Variants in PKHD1 observed in about 807,000 individuals in gnomAD.
PKHD1 encodes the protein fibrocystin.
In PKHD1, 291 loss-of-function variants were observed where a neutral mutation model predicts 412.0. The ratio of observed to expected loss-of-function variants is 0.71; its 90% CI spans 0.64 to 0.78. PKHD1 has a LOEUF of 0.78. Ranked by LOEUF, PKHD1 falls within the 30% of genes least tolerant of loss-of-function variation. The probability of loss-of-function intolerance (pLI) is 0.00; values close to 1 mark genes in which losing one functional copy is unlikely to be tolerated. For synonymous variants in PKHD1, 1,777 were observed against 1,821.5 expected (o/e 0.98, Z 0.62); for missense variants, 4,825 against 4,950.7 (o/e 0.97, Z 0.76).
chr6:51,737,714 TTGTGTGTGTGTGAGTG>T (rs1784028551), intron 60 of PKHD1, among the ~76,000 whole-genome samples: 1 of 139,390 alleles, frequency 7.2e-6, no homozygotes, highest in African/African-American at 3.0e-5. Context: ...CACTTATTGT[TTGTGTGTGTGTGAGTG>T]TGTGTGTGTG....
At chr6:51,658,865 G>A in intron 61 of PKHD1, 87 bp downstream of exon 61, 1 of 851,598 alleles carries the variant, frequency 1.2e-6, no homozygotes, top group Non-Finnish European at 2.0e-6. Context: ...ATATGATTCA[G>A]TGTAAGTAGA....
chr6:52,027,508 G>A (rs1387638757), intron 31 of PKHD1, among the ~76,000 whole-genome samples: 2 of 138,016 alleles, frequency 1.4e-5, no homozygotes, highest in Non-Finnish European at 3.1e-5. Flanking sequence ...CTCCAGACTG[G>A]GCAACAAGAG....
chr6:51,698,911 T>C (rs1208882009), intron 60 of PKHD1, among the ~76,000 whole-genome samples: 1 of 152,188 alleles, frequency 6.6e-6, no homozygotes, highest in Non-Finnish European at 1.5e-5. Flanking sequence ...CTTCATTTCT[T>C]TTTAAAAAAT....
chr6:51,760,437 T>G (rs1787806229), intron 55 of PKHD1, among the ~76,000 whole-genome samples: 1 of 152,034 alleles, frequency 6.6e-6, no homozygotes, highest in Admixed American at 6.6e-5. Flanking sequence ...AAATTACAAA[T>G]CATAAAATCA....
intron 60 of PKHD1, among the ~76,000 whole-genome samples, chr6:51,697,225 T>C (rs945026805): frequency 6.6e-6 from 1 of 152,026 alleles, no homozygotes; most frequent in Non-Finnish European, 1.5e-5. Context: ...ATACTAGTAA[T>C]TGTCCTCTTA....
At chr6:51,776,040 G>T in intron 53 of PKHD1, 119 bp from the exon 54 acceptor site, 1 of 634,826 alleles carries the variant, frequency 1.6e-6, no homozygotes, top group Non-Finnish European at 2.8e-6. Context: ...CTATATGGAG[G>T]AGTCAATGGT....
chr6:51,739,556 T>C (rs550983506), intron 60 of PKHD1, among the ~76,000 whole-genome samples: 35 of 152,338 alleles, frequency 2.3e-4, no homozygotes, highest in Non-Finnish European at 4.6e-4. Flanking sequence ...ATTTTGTTTA[T>C]GTACCTCTGG....
chr6:51,986,733 T>C (rs1796264326), intron 35 of PKHD1, among the ~76,000 whole-genome samples: 1 of 152,212 alleles, frequency 6.6e-6, no homozygotes, highest in African/African-American at 2.4e-5. Flanking sequence ...GCCTAGCAAA[T>C]TAACTCCTGT....
rs1456985726 is a variant in PKHD1, at chr6:52,060,062, G to T, written c.1119-20C>A. ...CGTGCTCTGTAAAGTAGAACATAGA[G>T]TCAAGCAAGAGTAACCAAGGCCTGA... On this transcript the variant is annotated intron_variant, in intron 14 of 66. Transcript: ENST00000371117. 1 of 1,412,706 alleles carries T rather than the reference G, an allele frequency of 7.1e-7. No individual in the cohort carries two copies. The highest frequency in any genetic ancestry group is 1.8e-4 in the Middle Eastern group (1 of 5,700). 87.5% of individuals were successfully genotyped at this position (1,412,706 alleles called of 1,614,324 possible).
At chr6:51,883,659 GTT>G (rs2127543311) in intron 45 of PKHD1, among the ~76,000 whole-genome samples, 1 of 152,278 alleles carries the variant, frequency 6.6e-6, no homozygotes, top group Non-Finnish European at 1.5e-5. Flanking sequence ...CAGAGTCACT[GTT>G]TGTAATTTCA....
At chr6:51,753,676 C>T (rs1786486466) in intron 56 of PKHD1, among the ~76,000 whole-genome samples, 1 of 152,150 alleles carries the variant, frequency 6.6e-6, no homozygotes, top group Non-Finnish European at 1.5e-5. Flanking sequence ...CCCCAACCTG[C>T]CTTAAATAGG....
rs529694898 is a variant in PKHD1, at chr6:51,985,910, C to A, written c.5751+24399G>T. ...GAGTTATTTATTTCTAGAAGTTATACAATGGAAAGTAATTTTTAAAATAAT... is the reference window on the plus strand; with the variant it reads ...GAGTTATTTATTTCTAGAAGTTATAAAATGGAAAGTAATTTTTAAAATAAT... On this transcript the variant is annotated intron_variant, in intron 35 of 66. Transcript: ENST00000371117. Among the ~76,000 whole-genome samples the A allele has an allele frequency of 7.2e-5, 11 of 152,124 alleles. No individual in the cohort carries two copies. In the South Asian group the frequency reaches 2.1e-3, roughly 29 times the overall value.
At chr6:51,910,170 C>T (rs992753398) in intron 39 of PKHD1, among the ~76,000 whole-genome samples, 4 of 152,112 alleles carry the variant, frequency 2.6e-5, no homozygotes, top group Non-Finnish European at 4.4e-5. Flanking sequence ...CACACAACTA[C>T]TATTGCTACC....
chr6:51,850,724 G>A lies in PKHD1; in HGVS notation c.7912-2754C>T, dbSNP rs150731637. Among the ~76,000 whole-genome samples the A allele has an allele frequency of 7.9e-5, 12 of 152,258 alleles. No homozygotes were observed. In the East Asian group the frequency reaches 1.5e-3, roughly 20 times the overall value. ...ATTGTTGGTGTAAAGGAATGCTTGT[G>A]ATTTTTGAACATTCATTTTGTATCC... is the stretch of plus-strand genomic sequence containing the variant. On this transcript the variant is annotated intron_variant, in intron 49 of 66. Coordinates refer to ENST00000371117, the MANE Select transcript of PKHD1 (RefSeq NM_138694.4).
At chr6:51,795,939 A>C (rs1280034688) in intron 52 of PKHD1, among the ~76,000 whole-genome samples, 1 of 152,146 alleles carries the variant, frequency 6.6e-6, no homozygotes, top group Non-Finnish European at 1.5e-5. Context: ...TTTGTTGAGA[A>C]CTTTTGCATT....
At chr6:51,976,775 C>G (rs774433906) in intron 35 of PKHD1, among the ~76,000 whole-genome samples, 7 of 151,926 alleles carry the variant, frequency 4.6e-5, no homozygotes, top group Non-Finnish European at 8.8e-5. Context: ...TGGTGAAACC[C>G]CGTTTCTACT....
intron 36 of PKHD1, among the ~76,000 whole-genome samples, chr6:51,955,958 C>CTGT (rs944921377): frequency 1.2e-4 from 19 of 152,026 alleles, no homozygotes; most frequent in Middle Eastern, 3.4e-3. Flanking sequence ...GGGTGAGTTA[C>CTGT]TGTTGTTGTT....
intron 51 of PKHD1, among the ~76,000 whole-genome samples, chr6:51,834,962 T>C (rs565739041): frequency 3.0e-4 from 45 of 152,120 alleles, no homozygotes; most frequent in Non-Finnish European, 1.2e-4. Flanking sequence ...TATGACTAAG[T>C]TTAATATCTG....
At chr6:51,815,646 C>T (rs1765339957) in intron 52 of PKHD1, among the ~76,000 whole-genome samples, 1 of 152,066 alleles carries the variant, frequency 6.6e-6, no homozygotes, top group South Asian at 2.1e-4. Context: ...TCACAAAGGG[C>T]TCTGCAGTCC....
Sources: allele counts gnomAD v4.1 joint callset (sites outside exome capture counted in the v4.1 genomes callset), GRCh38; gene constraint gnomAD v4.1.1; transcripts MANE v1.5; gene names NCBI Gene and HGNC (gene_info 2026-07-23, HGNC 2026-07-21).